Variants in SEMA3E observed in about 807,000 individuals in gnomAD.
SEMA3E encodes semaphorin 3E, also known as semaphorin-3E.
Under a neutral mutation model 93.6 loss-of-function variants are expected in SEMA3E, and 49 were observed. That is an observed-to-expected ratio of 0.52 (90% CI 0.42 to 0.66). The LOEUF (loss-of-function observed/expected upper bound fraction) is 0.66. Among genes scored for constraint, SEMA3E ranks in the 30% least tolerant of loss-of-function variants. The probability of loss-of-function intolerance (pLI) is 0.00; values close to 1 mark genes in which losing one functional copy is unlikely to be tolerated. For missense variants in SEMA3E, 906 were observed against 964.8 expected, an observed-to-expected ratio of 0.94 and a Z score of 0.81; for synonymous variants, 363 against 330.7, an observed-to-expected ratio of 1.10 and a Z score of -1.06.
Position 83,490,125 on chromosome 7 carries a change from C to T in SEMA3E, c.265G>A (p.Gly89Ser), listed in dbSNP as rs759100269. 28 of 1,612,534 alleles carry T rather than the reference C, an allele frequency of 1.7e-5. No individual in the cohort carries two copies. Among genetic ancestry groups the T allele is most frequent in the South Asian group, 9.9e-5 (9 of 91,058 alleles). ...TGATATTTCTATACCTCTTTATAGC[C>T]GTCACTGATTCTCTCCAAGCTGAGG... ...YSLSLERISD[G>S]YKEIHWPSTA... The change falls in exon 2 of 17, where the codon GGC (glycine) becomes AGC (serine). Residue 89 changes from glycine (G) to serine (S), a missense_variant. Physicochemically the swap from Gly to Ser is moderately conservative, Grantham distance 56. Transcript: ENST00000643230.
chr7:83,470,913 C>A (rs1290975519), intron 2 of SEMA3E, among the ~76,000 whole-genome samples: 1 of 136,130 alleles, frequency 7.3e-6, no homozygotes, highest in Non-Finnish European at 1.6e-5. Context: ...TATTAACATT[C>A]AAACTCCCCT....
At chr7:83,403,760 A>G (rs1788275659) in intron 9 of SEMA3E, among the ~76,000 whole-genome samples, 1 of 151,918 alleles carries the variant, frequency 6.6e-6, no homozygotes, top group Admixed American at 6.6e-5. Context: ...CACATTTTAT[A>G]ACACACCTTG....
intron 2 of SEMA3E, among the ~76,000 whole-genome samples, chr7:83,476,623 A>T (rs1790015591): frequency 6.6e-6 from 1 of 152,178 alleles, no homozygotes; most frequent in South Asian, 2.1e-4. Flanking sequence ...GCAAAGAAAG[A>T]CCTCACTGGA....
chr7:83,542,705 C>A (rs571743248), intron 1 of SEMA3E, among the ~76,000 whole-genome samples: 9 of 152,210 alleles, frequency 5.9e-5, no homozygotes, highest in African/African-American at 2.2e-4. Context: ...AGATTGTGTT[C>A]TTCCCTTTTC....
At position 83,490,759 on chromosome 7, in the gene SEMA3E, G is replaced by A. The variant is rs141464510; in HGVS notation, c.116-485C>T. ...ATCAATACAATGAGGCATTAATGTG[G>A]TAACAGTTACAGTAGGGATCACTGA... On this transcript the variant is annotated intron_variant, in intron 1 of 16. Transcript: ENST00000643230. Among the ~76,000 whole-genome samples the A allele has an allele frequency of 3.4e-3, 517 of 152,126 alleles. 2 individuals carry two copies. Among genetic ancestry groups the A allele is most frequent in the Admixed American group, 6.1e-3 (93 of 15,230 alleles).
chr7:83,520,887 A>G (rs1299610548), intron 1 of SEMA3E, among the ~76,000 whole-genome samples: 1 of 152,168 alleles, frequency 6.6e-6, no homozygotes, highest in Non-Finnish European at 1.5e-5. Context: ...TATTGCCAGC[A>G]TTGCTGGCTG....
At chr7:83,509,013 G>A (rs749420509) in intron 1 of SEMA3E, among the ~76,000 whole-genome samples, 7 of 152,040 alleles carry the variant, frequency 4.6e-5, no homozygotes, top group Non-Finnish European at 8.8e-5. Flanking sequence ...AATTTGAAGG[G>A]GGAACATGTA....
chr7:83,648,570 G>C lies in SEMA3E; in HGVS notation c.-28C>G. On this transcript the variant is annotated 5_prime_UTR_variant, in exon 1 of 17. Transcript: ENST00000643230. ...TGCCGTGTTCACCGTCCAAGCCCTCGCTCCTCACTTTAAGGAGGGTCTGAG... is the reference window on the plus strand; with the variant it reads ...TGCCGTGTTCACCGTCCAAGCCCTCCCTCCTCACTTTAAGGAGGGTCTGAG... 1 of 1,548,772 alleles carries C rather than the reference G, an allele frequency of 6.5e-7. No individual in the cohort carries two copies. Among genetic ancestry groups the C allele is most frequent in the Non-Finnish European group, 8.9e-7 (1 of 1,121,732 alleles).
intron 11 of SEMA3E, 133 bp from the exon 12 acceptor site, chr7:83,396,862 T>C (rs1788133598): frequency 1.6e-6 from 1 of 640,850 alleles, no homozygotes; most frequent in Non-Finnish European, 2.8e-6. Flanking sequence ...GTGTATCTCT[T>C]GAGGTCAGGA....
intron 1 of SEMA3E, among the ~76,000 whole-genome samples, chr7:83,562,378 G>T (rs1792047166): frequency 6.6e-6 from 1 of 151,930 alleles, no homozygotes; most frequent in Admixed American, 6.6e-5. Flanking sequence ...CCTTGCTCTG[G>T]CTCCTGCCAA....
chr7:83,609,361 T>A (rs1283940751), intron 1 of SEMA3E, among the ~76,000 whole-genome samples: 1 of 152,010 alleles, frequency 6.6e-6, no homozygotes, highest in African/African-American at 2.4e-5. Context: ...AGTACATGTA[T>A]GTACTTTCTC....
intron 4 of SEMA3E, among the ~76,000 whole-genome samples, chr7:83,457,336 T>C (rs1562790572): frequency 6.6e-6 from 1 of 152,184 alleles, no homozygotes; most frequent in Non-Finnish European, 1.5e-5. Context: ...ATTCATTCTT[T>C]CAAATAACCA....
rs1043743890 is a variant in SEMA3E, at chr7:83,523,873, T to A, written c.116-33599A>T. ...GCAAGAACATGTTTTGTCCTTGCAT[T>A]CACACTGCCTAGGACATAGAAAGCC... On this transcript the variant is annotated intron_variant, in intron 1 of 16. Transcript: ENST00000643230. 3.3e-5 allele frequency among the ~76,000 whole-genome samples: 5 copies of A among 152,246 alleles called. No individual in the cohort carries two copies. The East Asian group carries it at 9.6e-4, about 29-fold the overall frequency.
At chr7:83,449,876 T>C (rs1446788488) in intron 4 of SEMA3E, among the ~76,000 whole-genome samples, 1 of 152,202 alleles carries the variant, frequency 6.6e-6, no homozygotes, top group African/African-American at 2.4e-5. Flanking sequence ...CTTTCACTGA[T>C]TATTTTCTGT....
chr7:83,565,873 T>G (rs1457509755), intron 1 of SEMA3E, among the ~76,000 whole-genome samples: 1 of 152,166 alleles, frequency 6.6e-6, no homozygotes, highest in Non-Finnish European at 1.5e-5. Flanking sequence ...GACAGCTTCT[T>G]AATTTATTTC....
chr7:83,470,865 T>TATTTA lies in SEMA3E; in HGVS notation c.277-1564_277-1563insTAAAT, dbSNP rs199527453. Among the ~76,000 whole-genome samples the TATTTA allele has an allele frequency of 2.0e-4, 29 of 148,644 alleles. No homozygotes were observed. The South Asian group carries it at 2.5e-3, about 13-fold the overall frequency. On this transcript the variant is annotated intron_variant, in intron 2 of 16. Coordinates refer to ENST00000643230, the MANE Select transcript of SEMA3E (RefSeq NM_012431.3). ...AGGTGTGGTTCCCCCACATTTTCTT[T>TATTTA]TTTTTTTTTTTTTGGATCTTAAAGT...
Position 83,365,799 on chromosome 7 carries a change from T to C in SEMA3E, c.*1787A>G, listed in dbSNP as rs1238352494. The C allele has an allele frequency of 6.6e-6, 1 of 152,146 alleles. No individual in the cohort carries two copies. Among genetic ancestry groups the C allele is most frequent in the Admixed American group, 6.6e-5 (1 of 15,256 alleles). 9.4% of individuals were successfully genotyped at this position (152,146 alleles called of 1,614,324 possible). A position where few individuals can be genotyped will look rare whatever the true frequency, so the allele number is the denominator to read the frequency against. On this transcript the variant is annotated 3_prime_UTR_variant, in exon 17 of 17. Transcript: ENST00000643230. ...AATAAAGTGTACTTAATTGACTTAT[T>C]TGTTCAGACATAAACTTTGTAAGGC... is the stretch of plus-strand genomic sequence containing the variant.
At chr7:83,604,519 T>C (rs1348036064) in intron 1 of SEMA3E, among the ~76,000 whole-genome samples, 1 of 135,520 alleles carries the variant, frequency 7.4e-6, no homozygotes, top group Non-Finnish European at 1.6e-5. Context: ...TACATATATA[T>C]ACATATATAT....
At chr7:83,378,247 C>T (rs1295858523) in intron 16 of SEMA3E, among the ~76,000 whole-genome samples, 1 of 151,862 alleles carries the variant, frequency 6.6e-6, no homozygotes, top group Non-Finnish European at 1.5e-5. Flanking sequence ...ATAAATGAAT[C>T]ATTTTATTTT....
Sources: gnomAD v4.1 joint callset for allele counts (sites outside exome capture counted in the v4.1 genomes callset) on GRCh38, gnomAD v4.1.1 for gene constraint, MANE v1.5 for transcripts, NCBI Gene and HGNC (gene_info 2026-07-23, HGNC 2026-07-21) for gene names.